UGT8: variants seen among roughly 807,000 people sequenced by gnomAD.
UGT8 encodes UDP glycosyltransferase 8.
A neutral mutation model predicts 40.5 loss-of-function variants in UGT8; 12 were observed. That is an observed-to-expected ratio of 0.30 (90% CI 0.19 to 0.48). UGT8 has a LOEUF of 0.48. Ranked by LOEUF, UGT8 falls within the 20% of genes least tolerant of loss-of-function variation. The probability of loss-of-function intolerance (pLI) is 0.99; values close to 1 mark genes in which losing one functional copy is unlikely to be tolerated. For missense variants in UGT8, 513 were observed against 648.7 expected, an observed-to-expected ratio of 0.79 and a Z score of 2.27; for synonymous variants, 224 against 240.4, an observed-to-expected ratio of 0.93 and a Z score of 0.63.
intron 2 of UGT8, among the ~76,000 whole-genome samples, chr4:114,633,910 C>G (rs930095229): frequency 6.6e-6 from 1 of 151,872 alleles, no homozygotes; most frequent in Non-Finnish European, 1.5e-5. Context: ...CGCCACTGCA[C>G]TCCAGCCTGG....
intron 2 of UGT8, among the ~76,000 whole-genome samples, chr4:114,650,423 C>T (rs888932850): frequency 6.6e-6 from 1 of 152,136 alleles, no homozygotes; most frequent in African/African-American, 2.4e-5. Flanking sequence ...CTCCCACATG[C>T]ATAGCATTCC....
chr4:114,627,251 G>T (rs1481072946), intron 2 of UGT8, among the ~76,000 whole-genome samples: 2 of 147,754 alleles, frequency 1.4e-5, no homozygotes, highest in African/African-American at 2.5e-5. Context: ...TATTTGAATA[G>T]ATTCTTTTTT....
chr4:114,670,916 G>A (rs188976607), intron 5 of UGT8, among the ~76,000 whole-genome samples: 233 of 152,242 alleles, frequency 1.5e-3, no homozygotes, highest in African/African-American at 4.9e-3. Context: ...TTAGAAAACC[G>A]CATTGTCTCA....
rs113639745 is a variant in UGT8 at position 114,634,303 on chromosome 4, T to C, written c.822+10601T>C. On this transcript the variant is annotated intron_variant, in intron 2 of 5. Coordinates refer to ENST00000310836, the MANE Select transcript of UGT8 (RefSeq NM_001128174.3). The stretch of plus-strand genomic sequence containing the variant: ...TATATGAGTGGATTCAAAAGTCAAA[T>C]TGATGTTTGAACATGTGAGCATGGA... Among the ~76,000 whole-genome samples the C allele has an allele frequency of 7.1e-3, 1,087 of 152,258 alleles. 21 individuals are homozygous for C. Among genetic ancestry groups the C allele is most frequent in the African/African-American group, 0.025 (1,044 of 41,538 alleles).
At chr4:114,641,286 C>T (rs1412958368) in intron 2 of UGT8, among the ~76,000 whole-genome samples, 1 of 152,142 alleles carries the variant, frequency 6.6e-6, no homozygotes, top group Non-Finnish European at 1.5e-5. Context: ...TTATTCCTTC[C>T]CTTTCATCCG....
chr4:114,672,909 C>T lies in UGT8; in HGVS notation c.1263-3016C>T, dbSNP rs142184614. On this transcript the variant is annotated intron_variant, in intron 5 of 5. Transcript: ENST00000310836. ...TGCTTTGGATTCATTTAATAAAGGCCTATTGCTTTTTTGTTTGTTTGGGAG... is the reference window on the plus strand; with the variant it reads ...TGCTTTGGATTCATTTAATAAAGGCTTATTGCTTTTTTGTTTGTTTGGGAG... Among the ~76,000 whole-genome samples the T allele has an allele frequency of 5.7e-3, 859 of 152,034 alleles. 6 individuals are homozygous for T. The highest frequency in any genetic ancestry group is 0.017 in the Middle Eastern group (5 of 294).
intron 2 of UGT8, chr4:114,663,770 A>C: frequency 1.0e-6 from 1 of 985,172 alleles, no homozygotes; most frequent in Non-Finnish European, 1.2e-6. Flanking sequence ...TGTTTTTGTT[A>C]CTTACAGATC....
intron 2 of UGT8, among the ~76,000 whole-genome samples, chr4:114,655,139 A>C (rs1372920282): frequency 6.6e-6 from 1 of 151,936 alleles, no homozygotes; most frequent in Non-Finnish European, 1.5e-5. Flanking sequence ...GGAAGTTTAA[A>C]TTTAAAAATA....
chr4:114,605,763 A>G (rs888626771), intron 1 of UGT8, among the ~76,000 whole-genome samples: 2 of 152,202 alleles, frequency 1.3e-5, no homozygotes, highest in South Asian at 4.1e-4. Flanking sequence ...AAAGCTGTAT[A>G]TAAACTCAGC....
At position 114,623,030 on chromosome 4, in the gene UGT8, C is replaced by G; in HGVS notation, c.150C>G (p.His50Gln). ...CCTCAGCCTTGCACGAGAGAGGCCA[C>G]CATACAGTGTTCCTCCTCTCTGAAG... ...TLASALHERG[H>Q]HTVFLLSEGR... Residue 50 changes from histidine to glutamine, a missense_variant, in exon 2 of 6, where the codon CAC becomes CAG. Around this residue, in one of 3 missense-constraint regions of UGT8, gnomAD observed 335 missense variants for 444.8 expected, o/e 0.75. Coordinates refer to ENST00000310836, the MANE Select transcript of UGT8 (RefSeq NM_001128174.3). The G allele has an allele frequency of 6.2e-7, 1 of 1,614,106 alleles. No homozygotes were observed. The highest frequency in any genetic ancestry group is 8.5e-7 in the Non-Finnish European group (1 of 1,180,016).
chr4:114,644,865 A>G (rs147362573), intron 2 of UGT8, among the ~76,000 whole-genome samples: 32 of 152,212 alleles, frequency 2.1e-4, no homozygotes, highest in African/African-American at 7.2e-4. Context: ...CTTGCCTCTT[A>G]AGTTATCATT....
chr4:114,611,845 C>A (rs925582459), intron 1 of UGT8, among the ~76,000 whole-genome samples: 2 of 151,992 alleles, frequency 1.3e-5, no homozygotes, highest in Admixed American at 1.3e-4. Context: ...GTTTCTGGAA[C>A]AGAAGCATCA....
chr4:114,613,187 GAT>G (rs1731193496), intron 1 of UGT8, among the ~76,000 whole-genome samples: 1 of 152,024 alleles, frequency 6.6e-6, no homozygotes, highest in African/African-American at 2.4e-5. Context: ...CACTTAAAAT[GAT>G]ATCTTTGTAA....
Position 114,644,446 on chromosome 4 carries a change from C to A in UGT8, c.823-19549C>A, listed in dbSNP as rs570106251. Among the ~76,000 whole-genome samples the A allele has an allele frequency of 9.2e-4, 140 of 152,080 alleles. 2 individuals are homozygous for A. Among genetic ancestry groups the A allele is most frequent in the African/African-American group, 3.3e-3 (137 of 41,490 alleles). On this transcript the variant is annotated intron_variant, in intron 2 of 5. Coordinates refer to ENST00000310836, the MANE Select transcript of UGT8 (RefSeq NM_001128174.3). ...ACTTCATTTGGAAGGCTTCCTGGAC[C>A]CTTTGATGTTTTTATCTGAATCCCA...
intron 1 of UGT8, among the ~76,000 whole-genome samples, chr4:114,609,309 T>C (rs1367560658): frequency 1.3e-5 from 2 of 152,222 alleles, no homozygotes; most frequent in Non-Finnish European, 1.5e-5. Flanking sequence ...AAAAGAGAGA[T>C]AAGCTAGGTA....
At chr4:114,617,274 CCCTT>C (rs1731501847) in intron 1 of UGT8, among the ~76,000 whole-genome samples, 1 of 152,092 alleles carries the variant, frequency 6.6e-6, no homozygotes, top group African/African-American at 2.4e-5. Context: ...AACAGACAAA[CCCTT>C]CCTTTGGCCT....
chr4:114,638,544 T>C (rs1174012902), intron 2 of UGT8, among the ~76,000 whole-genome samples: 1 of 152,222 alleles, frequency 6.6e-6, no homozygotes, highest in East Asian at 1.9e-4. Flanking sequence ...TTTTCCTTGC[T>C]CATTTCATTT....
chr4:114,629,926 A>G (rs1732468419), intron 2 of UGT8, among the ~76,000 whole-genome samples: 1 of 152,222 alleles, frequency 6.6e-6, no homozygotes, highest in African/African-American at 2.4e-5. Flanking sequence ...TAAGTCAAAT[A>G]CTGGCAATAT....
chr4:114,657,766 G>A (rs2126127478), intron 2 of UGT8, among the ~76,000 whole-genome samples: 1 of 152,036 alleles, frequency 6.6e-6, no homozygotes, highest in East Asian at 1.9e-4. Context: ...ATCATGGCCA[G>A]GGAAGAGAAC....
Sources: allele counts gnomAD v4.1 joint callset (sites outside exome capture counted in the v4.1 genomes callset), GRCh38; gene constraint gnomAD v4.1.1; regional missense constraint gnomAD v4.1.1; transcripts MANE v1.5; gene names NCBI Gene and HGNC (gene_info 2026-07-23, HGNC 2026-07-21).